The following ACAT2 variants were observed in gnomAD, a reference collection of about 807,000 sequenced individuals.
The protein encoded by ACAT2 is acetyl-CoA acetyltransferase 2.
In ACAT2, 26 loss-of-function variants were observed where a neutral mutation model predicts 37.1. The ratio of observed to expected loss-of-function variants is 0.70; its 90% CI spans 0.51 to 0.97. ACAT2 has a LOEUF of 0.97. Ranked by LOEUF, ACAT2 falls within the 50% of genes least tolerant of loss-of-function variation. The pLI, the probability that ACAT2 is intolerant of heterozygous loss-of-function variation, is 0.00. For synonymous variants in ACAT2, 156 were observed against 163.6 expected, an observed-to-expected ratio of 0.95 and a Z score of 0.35; for missense variants, 468 against 489.0, an observed-to-expected ratio of 0.96 and a Z score of 0.40.
chr6:159,762,163 G>A (rs1562473730), intron 1 of ACAT2, 21 bp downstream of exon 1: 2 of 1,606,176 alleles, frequency 1.2e-6, no homozygotes, highest in Non-Finnish European at 1.7e-6. Context: ...GGCGGGAGCC[G>A]CGCAGAGTCC....
At chr6:159,770,207 C>G (rs1001445686) in intron 4 of ACAT2, among the ~76,000 whole-genome samples, 1 of 152,190 alleles carries the variant, frequency 6.6e-6, no homozygotes, top group Admixed American at 6.5e-5. Flanking sequence ...AATAAAATCT[C>G]TATGTCCAGT....
intron 2 of ACAT2, among the ~76,000 whole-genome samples, chr6:159,766,652 T>G (rs1355933617): frequency 6.6e-6 from 1 of 152,164 alleles, no homozygotes; most frequent in African/African-American, 2.4e-5. Flanking sequence ...CTGCCCTCCT[T>G]GGCCTCCCAA....
intron 7 of ACAT2, 116 bp from the exon 8 acceptor site, chr6:159,778,050 GAACA>G: frequency 9.0e-6 from 6 of 665,260 alleles, no homozygotes; most frequent in Non-Finnish European, 1.5e-5. Flanking sequence ...ATTAACCTAA[GAACA>G]AACCAAAGTA....
intron 7 of ACAT2, 40 bp downstream of exon 7, chr6:159,777,496 C>T: frequency 6.3e-7 from 1 of 1,583,462 alleles, no homozygotes; most frequent in Non-Finnish European, 8.6e-7. Context: ...ATTTGTCTTC[C>T]TGTTAGCCTT....
intron 4 of ACAT2, among the ~76,000 whole-genome samples, chr6:159,771,235 G>A (rs1365537541): frequency 6.6e-6 from 1 of 151,442 alleles, no homozygotes; most frequent in African/African-American, 2.4e-5. Flanking sequence ...TACAAAATTA[G>A]CCAGGCTGGT....
chr6:159,771,650 C>CAA (rs769011249), intron 4 of ACAT2, among the ~76,000 whole-genome samples: 11 of 96,338 alleles, frequency 1.1e-4, no homozygotes, highest in East Asian at 3.1e-4. Flanking sequence ...GACTCTGTCT[C>CAA]AAAAAAAAAA....
Position 159,778,289 on chromosome 6 carries a change from G to A in ACAT2, c.1023+9G>A. 1 of 1,569,542 alleles carries A rather than the reference G, an allele frequency of 6.4e-7. No individual in the cohort carries two copies. Among genetic ancestry groups the A allele is most frequent in the Non-Finnish European group, 8.7e-7 (1 of 1,147,906 alleles). On this transcript the variant is annotated intron_variant, in intron 8 of 8. Coordinates refer to ENST00000367048, the MANE Select transcript of ACAT2 (RefSeq NM_005891.3). ...GATTAAACCCAGAGAAGGTAAAGAT[G>A]CACAAGTAACCCTGAGAGCTTACCA...
intron 2 of ACAT2, among the ~76,000 whole-genome samples, chr6:159,764,662 G>A (rs1338843751): frequency 6.6e-6 from 1 of 152,108 alleles, no homozygotes; most frequent in Non-Finnish European, 1.5e-5. Context: ...CTGGGCGTGA[G>A]TGCAATGGCT....
chr6:159,778,280 G>T lies in ACAT2; in HGVS notation c.1023G>T (p.Lys341Asn). Residue 341 changes from lysine to asparagine, a missense_variant and splice_region_variant, in exon 8 of 9, where the codon AAG becomes AAT. Physicochemically the swap from Lys to Asn is moderately conservative, Grantham distance 94. Transcript: ENST00000367048. ...AAGAACTTGGATTAAACCCAGAGAA[G>T]GTAAAGATGCACAAGTAACCCTGAG... ...IVKELGLNPE[K>N]VNIEGGAIAL... 6.3e-7 allele frequency: 1 copy of T among 1,591,878 alleles called. No homozygotes were observed.
rs1780268193 is a variant in ACAT2 at position 159,767,121 on chromosome 6, G to A, written c.307G>A (p.Val103Ile). ...GSGLKAVCLA[V>I]QSIGIGDSSI... ...AGGCCTAAAAGCTGTGTGCCTTGCA[G>A]TCCAGTCAATAGGGATAGGAGACTC... is the stretch of plus-strand genomic sequence containing the variant. The change falls in exon 3 of 9, where the codon GTC becomes ATC. Residue 103 changes from valine (V) to isoleucine (I), a missense_variant. Physicochemically the swap from Val to Ile is conservative, Grantham distance 29. Transcript: ENST00000367048. The A allele has an allele frequency of 7.4e-6, 12 of 1,614,242 alleles. No individual in the cohort carries two copies. Among genetic ancestry groups the A allele is most frequent in the Non-Finnish European group, 9.3e-6 (11 of 1,180,040 alleles).
intron 3 of ACAT2, among the ~76,000 whole-genome samples, chr6:159,767,620 A>T (rs554944387): frequency 7.9e-5 from 12 of 152,352 alleles, no homozygotes; most frequent in Admixed American, 7.8e-4. Flanking sequence ...AAAGAGGACC[A>T]CCAAGTGGTG....
chr6:159,763,300 C>T (rs1317677221), intron 2 of ACAT2, among the ~76,000 whole-genome samples: 1 of 152,172 alleles, frequency 6.6e-6, no homozygotes, highest in Non-Finnish European at 1.5e-5. Context: ...CGCCTGTAAT[C>T]CCAGCACTTT....
At chr6:159,773,389 A>G (rs899860356) in intron 4 of ACAT2, among the ~76,000 whole-genome samples, 8 of 152,158 alleles carry the variant, frequency 5.3e-5, no homozygotes, top group African/African-American at 1.9e-4. Context: ...TCTTCTAAAT[A>G]CATTTATCCA....
chr6:159,762,171 T>A (rs747269052), intron 1 of ACAT2, 29 bp downstream of exon 1: 1 of 1,597,268 alleles, frequency 6.3e-7, no homozygotes, highest in Admixed American at 1.7e-5. Context: ...CCGCGCAGAG[T>A]CCGAGGCGCC....
intron 4 of ACAT2, among the ~76,000 whole-genome samples, chr6:159,774,590 G>A (rs904946174): frequency 2.0e-5 from 3 of 151,842 alleles, no homozygotes; most frequent in Non-Finnish European, 4.4e-5. Context: ...CTAGCTACAT[G>A]GCACACACAC....
intron 2 of ACAT2, 128 bp from the exon 3 acceptor site, chr6:159,766,866 TGCCTCCAGTGG>T: frequency 3.3e-6 from 3 of 898,578 alleles, no homozygotes; most frequent in Admixed American, 4.4e-5. Flanking sequence ...CAGGCCTTTT[TGCCTCCAGTGG>T]GCACTTACTT....
chr6:159,778,934 A>C lies in ACAT2; in HGVS notation c.*105A>C, dbSNP rs920304425. On this transcript the variant is annotated 3_prime_UTR_variant, in exon 9 of 9. Coordinates refer to ENST00000367048, the MANE Select transcript of ACAT2 (RefSeq NM_005891.3). ...AAAGTACAGATGGAAACCATTTCCTACATCACAAAAACCCAAGTTTACAGC... is the reference window on the plus strand; with the variant it reads ...AAAGTACAGATGGAAACCATTTCCTCCATCACAAAAACCCAAGTTTACAGC... The C allele has an allele frequency of 3.2e-6, 5 of 1,564,354 alleles. No individual in the cohort carries two copies. The highest frequency in any genetic ancestry group is 3.5e-6 in the Non-Finnish European group (4 of 1,150,424).
intron 7 of ACAT2, 60 bp from the exon 8 acceptor site, chr6:159,778,110 G>C: frequency 8.9e-7 from 1 of 1,123,260 alleles, no homozygotes; most frequent in Non-Finnish European, 1.3e-6. Flanking sequence ...GACAAAGAAT[G>C]GTTTAACTTT....
rs930993865 is a variant in ACAT2 at position 159,762,230 on chromosome 6, C to A, written c.55+88C>A. The A allele has an allele frequency of 1.7e-5, 24 of 1,450,600 alleles. No homozygotes were observed. The South Asian group carries it at 2.9e-4, about 18-fold the overall frequency. The allele number at this position is 1,450,600 out of a possible 1,614,324, so 89.9% of individuals were successfully genotyped here. On this transcript the variant is annotated intron_variant, in intron 1 of 8. Coordinates refer to ENST00000367048, the MANE Select transcript of ACAT2 (RefSeq NM_005891.3). ...GGGCCGGACTTGTGTAGGAGAGGGG[C>A]GTATGTGGAGGAAGCCGGTCAGGCC...
Sources: allele counts gnomAD v4.1 joint callset (sites outside exome capture counted in the v4.1 genomes callset), GRCh38; gene constraint gnomAD v4.1.1; transcripts MANE v1.5; gene names NCBI Gene and HGNC (gene_info 2026-07-23, HGNC 2026-07-21).